The following HGD variants were observed in gnomAD, a reference collection of about 807,000 sequenced individuals.
HGD encodes the protein homogentisate 1,2-dioxygenase.
A neutral mutation model predicts 60.8 loss-of-function variants in HGD; 61 were observed. That is an observed-to-expected ratio of 1.00 (90% CI 0.82 to 1.24). The LOEUF (loss-of-function observed/expected upper bound fraction) is 1.24, where lower values mean the gene tolerates loss of function less well. HGD is among the 50% of genes most tolerant of loss of function. The probability of loss-of-function intolerance (pLI) is 0.00; values close to 1 mark genes in which losing one functional copy is unlikely to be tolerated. For synonymous variants in HGD, 212 were observed against 187.7 expected (o/e 1.13, Z -1.06); for missense variants, 542 against 547.1 (o/e 0.99, Z 0.09).
At position 120,644,320 on chromosome 3, in the gene HGD, T is replaced by G. The variant is rs759843592; in HGVS notation, c.773A>C (p.Gln258Pro). ...KYQGKLFAAKQDVSPFNVVAW... is the reference protein window; with the variant it reads ...KYQGKLFAAKPDVSPFNVVAW... ...TGCCTGCCAACCCTTTTACTTTACC[T>G]GTTTGGCAGCAAACAGCTTGCCCTG... The change falls in exon 10 of 14, where the codon CAG becomes CCG. Residue 258 changes from glutamine to proline, a missense_variant and splice_region_variant. Around this residue, in one of 2 missense-constraint regions of HGD, gnomAD observed 537 missense variants for 529.1 expected, o/e 1.01. Transcript: ENST00000283871. 2.5e-6 allele frequency: 4 copies of G among 1,614,106 alleles called. No individual in the cohort carries two copies. The highest frequency in any genetic ancestry group is 1.3e-5 in the African/African-American group (1 of 75,042).
chr3:120,662,282 T>C (rs950473241), intron 4 of HGD, among the ~76,000 whole-genome samples: 4 of 152,064 alleles, frequency 2.6e-5, no homozygotes, highest in East Asian at 1.9e-4. Context: ...CAGCACGGTG[T>C]GGGATAGGGA....
intron 7 of HGD, among the ~76,000 whole-genome samples, 192 bp downstream of exon 7, chr3:120,647,685 G>C (rs373992725): frequency 3.9e-5 from 6 of 152,212 alleles, no homozygotes; most frequent in African/African-American, 1.4e-4. Flanking sequence ...CAAGGAAATA[G>C]AGTAGGGGCT....
intron 4 of HGD, among the ~76,000 whole-genome samples, chr3:120,656,162 C>T (rs897642738): frequency 2.6e-5 from 4 of 152,180 alleles, no homozygotes; most frequent in Non-Finnish European, 5.9e-5. Flanking sequence ...GTAAGAAGGA[C>T]TGTCTTTAAA....
At chr3:120,676,924 T>C (rs193089198) in intron 1 of HGD, among the ~76,000 whole-genome samples, 293 of 152,310 alleles carry the variant, frequency 1.9e-3, no homozygotes, top group African/African-American at 6.7e-3. Flanking sequence ...AGTTCGTGGA[T>C]TGTGAAGATT....
intron 4 of HGD, among the ~76,000 whole-genome samples, chr3:120,663,218 G>A (rs1460283840): frequency 6.6e-6 from 1 of 152,158 alleles, no homozygotes; most frequent in African/African-American, 2.4e-5. Context: ...AGACAGTAAG[G>A]AAGAGGAGGG....
intron 4 of HGD, 147 bp downstream of exon 4, chr3:120,670,280 G>C: frequency 1.5e-6 from 1 of 678,080 alleles, no homozygotes. Flanking sequence ...ACCCAAGTTT[G>C]AGCAGAAAAC....
chr3:120,677,780 T>C (rs190796541), intron 1 of HGD: 1 of 152,226 alleles, frequency 6.6e-6, no homozygotes, highest in South Asian at 2.1e-4. Context: ...TTGTGGGGCA[T>C]CACGGAACCT....
chr3:120,662,738 G>A (rs1034731959), intron 4 of HGD, among the ~76,000 whole-genome samples: 1 of 152,118 alleles, frequency 6.6e-6, no homozygotes, highest in Non-Finnish European at 1.5e-5. Context: ...CAAAAGAGTG[G>A]GAATCCTTAG....
chr3:120,630,825 TACAC>T (rs1201452131), intron 13 of HGD, among the ~76,000 whole-genome samples: 183 of 104,062 alleles, frequency 1.8e-3, no homozygotes, highest in Middle Eastern at 4.9e-3. Flanking sequence ...TATATATATA[TACAC>T]ATACACACAC....
intron 4 of HGD, among the ~76,000 whole-genome samples, chr3:120,657,533 C>T (rs1481037190): frequency 6.6e-6 from 1 of 151,916 alleles, no homozygotes; most frequent in Non-Finnish European, 1.5e-5. Context: ...GATAGACAGA[C>T]ATATCATTAG....
intron 11 of HGD, 57 bp downstream of exon 11, chr3:120,641,532 G>T: frequency 1.9e-6 from 2 of 1,030,462 alleles, no homozygotes; most frequent in Non-Finnish European, 1.5e-6. Context: ...GTCTACTGTG[G>T]ACCCCTCCCA....
At chr3:120,666,345 C>T (rs1162923246) in intron 4 of HGD, among the ~76,000 whole-genome samples, 1 of 152,056 alleles carries the variant, frequency 6.6e-6, no homozygotes, top group African/African-American at 2.4e-5. Flanking sequence ...AGAAAGGCAA[C>T]AAGTTCAAGG....
intron 4 of HGD, among the ~76,000 whole-genome samples, chr3:120,654,873 C>A (rs556364413): frequency 6.6e-6 from 1 of 152,212 alleles, no homozygotes. Context: ...GAGTTCGAGA[C>A]AAGCCTGGCC....
intron 3 of HGD, among the ~76,000 whole-genome samples, chr3:120,673,467 C>A (rs1708063574): frequency 6.6e-6 from 1 of 151,988 alleles, no homozygotes; most frequent in Non-Finnish European, 1.5e-5. Context: ...TTAGAATGGA[C>A]AGAATTATCT....
intron 4 of HGD, among the ~76,000 whole-genome samples, chr3:120,668,965 T>C (rs1022827851): frequency 2.2e-4 from 32 of 148,050 alleles, no homozygotes; most frequent in African/African-American, 7.8e-4. Flanking sequence ...GTCTATCTCA[T>C]TGCTATAGTA....
chr3:120,659,959 A>G (rs934160779), intron 4 of HGD, among the ~76,000 whole-genome samples: 10 of 147,510 alleles, frequency 6.8e-5, no homozygotes, highest in African/African-American at 1.2e-4. Flanking sequence ...GTGGTTGCAT[A>G]ATGGGGGTGG....
rs755624842 is a variant in HGD at position 120,682,129 on chromosome 3, T to C, written c.-18A>G. Reference sequence around the variant, plus strand: ...TCAGCCATTTTCTCTCTCCTCTATGTGTGGTGACTTCAGGAAACCCAGGCC... The same window carrying C: ...TCAGCCATTTTCTCTCTCCTCTATGCGTGGTGACTTCAGGAAACCCAGGCC... On this transcript the variant is annotated 5_prime_UTR_variant, in exon 1 of 14. Transcript: ENST00000283871. The C allele has an allele frequency of 4.0e-5, 64 of 1,613,528 alleles. No homozygotes were observed. Among genetic ancestry groups the C allele is most frequent in the Non-Finnish European group, 4.9e-5 (58 of 1,179,552 alleles).
intron 1 of HGD, among the ~76,000 whole-genome samples, chr3:120,678,794 C>T (rs1237111067): frequency 6.6e-6 from 1 of 152,186 alleles, no homozygotes; most frequent in Non-Finnish European, 1.5e-5. Flanking sequence ...CTTTAAAATG[C>T]CATGCCCCTC....
intron 1 of HGD, among the ~76,000 whole-genome samples, chr3:120,679,974 G>A (rs1708203893): frequency 6.6e-6 from 1 of 152,160 alleles, no homozygotes; most frequent in Admixed American, 6.5e-5. Flanking sequence ...TAGAATAGTA[G>A]GTCCTGTCTC....
Sources: allele counts gnomAD v4.1 joint callset (sites outside exome capture counted in the v4.1 genomes callset), GRCh38; gene constraint gnomAD v4.1.1; regional missense constraint gnomAD v4.1.1; transcripts MANE v1.5; gene names NCBI Gene and HGNC (gene_info 2026-07-23, HGNC 2026-07-21).